The following CRISPLD2 variants were observed in gnomAD, a reference collection of about 807,000 sequenced individuals.
CRISPLD2 encodes the protein cysteine-rich secretory protein LCCL domain-containing 2.
Under a neutral mutation model 71.1 loss-of-function variants are expected in CRISPLD2, and 47 were observed. That is an observed-to-expected ratio of 0.66 (90% CI 0.52 to 0.84). CRISPLD2 has a LOEUF of 0.84. Among genes scored for constraint, CRISPLD2 ranks in the 40% least tolerant of loss-of-function variants. The pLI, the probability that CRISPLD2 is intolerant of heterozygous loss-of-function variation, is 0.00. For synonymous variants in CRISPLD2, 317 were observed against 250.1 expected (o/e 1.27, Z -2.52); for missense variants, 830 against 651.1 (o/e 1.27, Z -2.99).
At chr16:84,860,738 C>A (rs1917356864) in intron 6 of CRISPLD2, among the ~76,000 whole-genome samples, 1 of 152,148 alleles carries the variant, frequency 6.6e-6, no homozygotes. Flanking sequence ...CCAATCAATG[C>A]CCTCACTTTA....
At chr16:84,896,678 G>T (rs772155737) in intron 14 of CRISPLD2, among the ~76,000 whole-genome samples, 1 of 152,124 alleles carries the variant, frequency 6.6e-6, no homozygotes. Flanking sequence ...GTGCATTTCC[G>T]ATGTGGACTT....
At chr16:84,820,403 C>G (rs1163832806) in intron 1 of CRISPLD2, among the ~76,000 whole-genome samples, 1 of 152,208 alleles carries the variant, frequency 6.6e-6, no homozygotes, top group Admixed American at 6.5e-5. Flanking sequence ...GAATCCTGCT[C>G]CTTAGAGGCT....
chr16:84,876,460 C>A (rs2071519067), intron 11 of CRISPLD2, among the ~76,000 whole-genome samples: 1 of 152,036 alleles, frequency 6.6e-6, no homozygotes, highest in Non-Finnish European at 1.5e-5. Context: ...CAAGATCATG[C>A]CATGGCACTC....
chr16:84,884,752 C>T (rs978351830), intron 13 of CRISPLD2, among the ~76,000 whole-genome samples: 6 of 152,198 alleles, frequency 3.9e-5, no homozygotes, highest in Admixed American at 2.0e-4. Flanking sequence ...TACTGACGCC[C>T]TGCAGCTTGA....
Position 84,880,629 on chromosome 16 carries a change from A to G in CRISPLD2, c.1305+45A>G, listed in dbSNP as rs779308228. 2.7e-6 allele frequency: 4 copies of G among 1,501,738 alleles called. No individual in the cohort carries two copies. In the South Asian group the frequency reaches 3.4e-5, roughly 13 times the overall value. The allele number at this position is 1,501,738 out of a possible 1,614,324, so 93.0% of individuals were successfully genotyped here. On this transcript the variant is annotated intron_variant, in intron 13 of 14. Transcript: ENST00000262424. ...AACAACTATCTCGCAAAGCCTGTTA[A>G]AGACCTCAACATGCAAGCTCCAAGA... is the stretch of plus-strand genomic sequence containing the variant.
chr16:84,852,822 C>G (rs1253478611), intron 5 of CRISPLD2, among the ~76,000 whole-genome samples: 1 of 152,154 alleles, frequency 6.6e-6, no homozygotes, highest in Non-Finnish European at 1.5e-5. Context: ...TAATCCCAGC[C>G]TCCTTTGGCC....
At chr16:84,856,359 G>A (rs1917241576) in intron 6 of CRISPLD2, among the ~76,000 whole-genome samples, 1 of 152,190 alleles carries the variant, frequency 6.6e-6, no homozygotes, top group South Asian at 2.1e-4. Flanking sequence ...AGCCAACACT[G>A]TAACTCCCTT....
At chr16:84,896,147 C>A (rs1277154602) in intron 14 of CRISPLD2, among the ~76,000 whole-genome samples, 1 of 151,582 alleles carries the variant, frequency 6.6e-6, no homozygotes, top group Non-Finnish European at 1.5e-5. Flanking sequence ...CAGTGATTAT[C>A]CTGCCTCAGC....
At chr16:84,902,686 A>G (rs932059974) in intron 14 of CRISPLD2, among the ~76,000 whole-genome samples, 1 of 151,040 alleles carries the variant, frequency 6.6e-6, no homozygotes, top group African/African-American at 2.4e-5. Flanking sequence ...GGAAGGCCAC[A>G]CTATCCTGCT....
chr16:84,861,786 G>A (rs1917389047), intron 6 of CRISPLD2, among the ~76,000 whole-genome samples: 1 of 152,150 alleles, frequency 6.6e-6, no homozygotes, highest in African/African-American at 2.4e-5. Context: ...AATTAACCAG[G>A]TGTGGTCACG....
At position 84,880,567 on chromosome 16, in the gene CRISPLD2, A is replaced by G. The variant is rs1368037119; in HGVS notation, c.1288A>G (p.Thr430Ala). ...EPSYWAPVFGTNIYADTSSIC... is the reference protein window; with the variant it reads ...EPSYWAPVFGANIYADTSSIC... ...TTCCTACTGGGCTCCGGTGTTTGGA[A>G]CCAACATCTATGCAGATGTGAGTAG... Residue 430 changes from threonine (T) to alanine (A), a missense_variant, in exon 13 of 15, where the codon ACC becomes GCC. Coordinates refer to ENST00000262424, the MANE Select transcript of CRISPLD2 (RefSeq NM_031476.4). 4 of 1,613,832 alleles carry G rather than the reference A, an allele frequency of 2.5e-6. No individual in the cohort carries two copies. The South Asian group carries it at 4.4e-5, about 18-fold the overall frequency.
At chr16:84,830,890 T>C (rs779740940) in intron 1 of CRISPLD2, among the ~76,000 whole-genome samples, 1 of 152,176 alleles carries the variant, frequency 6.6e-6, no homozygotes, top group Non-Finnish European at 1.5e-5. Context: ...AGAAACTCCA[T>C]GCTCGGTGAC....
At chr16:84,845,702 C>T in intron 2 of CRISPLD2, 84 bp from the exon 3 acceptor site, 1 of 908,994 alleles carries the variant, frequency 1.1e-6, no homozygotes, top group Non-Finnish European at 1.7e-6. Context: ...CACAGGAGCC[C>T]AGGCTGGGGC....
chr16:84,884,367 A>G (rs1001031804), intron 13 of CRISPLD2, among the ~76,000 whole-genome samples: 1 of 152,176 alleles, frequency 6.6e-6, no homozygotes, highest in African/African-American at 2.4e-5. Context: ...CACTGTGTCA[A>G]TGCACGTGAA....
intron 6 of CRISPLD2, among the ~76,000 whole-genome samples, chr16:84,863,552 C>T (rs577372974): frequency 1.3e-5 from 2 of 152,354 alleles, no homozygotes; most frequent in East Asian, 1.9e-4. Context: ...GTTTGACACC[C>T]AGCCCAGGTA....
chr16:84,901,013 GCACACA>G (rs3222775), intron 14 of CRISPLD2, among the ~76,000 whole-genome samples: 5,182 of 140,128 alleles, frequency 0.037, 257 homozygotes, highest in African/African-American at 0.12. Flanking sequence ...TGGTGTCACT[GCACACA>G]CACACACACA....
chr16:84,867,043 G>C lies in CRISPLD2; in HGVS notation c.853+3G>C. 1 of 1,613,634 alleles carries C rather than the reference G, an allele frequency of 6.2e-7. No homozygotes were observed. Among genetic ancestry groups the C allele is most frequent in the Non-Finnish European group, 8.5e-7 (1 of 1,179,630 alleles). ...AACCTCTGCGGTCAACTACATGAGT[G>C]AGTCTAGGCCGTCCTCCGCCCCTCC... On this transcript the variant is annotated splice_donor_region_variant and intron_variant, in intron 7 of 14. Transcript: ENST00000262424.
chr16:84,864,467 C>T (rs181465676), intron 6 of CRISPLD2, among the ~76,000 whole-genome samples: 3 of 152,308 alleles, frequency 2.0e-5, no homozygotes, highest in East Asian at 1.9e-4. Flanking sequence ...AGCCAGCTCC[C>T]GCTCTCAGTG....
chr16:84,884,039 T>G (rs558250446), intron 13 of CRISPLD2, among the ~76,000 whole-genome samples: 24 of 152,184 alleles, frequency 1.6e-4, no homozygotes, highest in African/African-American at 5.5e-4. Context: ...GAGACAGGGT[T>G]TCTCCATGTT....
Sources: allele counts gnomAD v4.1 joint callset (sites outside exome capture counted in the v4.1 genomes callset), GRCh38; gene constraint gnomAD v4.1.1; transcripts MANE v1.5; gene names NCBI Gene and HGNC (gene_info 2026-07-23, HGNC 2026-07-21).